Variants in HSD17B12 observed in about 807,000 individuals in gnomAD.
The protein encoded by HSD17B12 is hydroxysteroid 17-beta dehydrogenase 12.
Under a neutral mutation model 39.3 loss-of-function variants are expected in HSD17B12, and 32 were observed. The ratio of observed to expected loss-of-function variants is 0.81; its 90% CI spans 0.61 to 1.09. The LOEUF is 1.09. Ranked by LOEUF, HSD17B12 falls within the 50% of genes least tolerant of loss-of-function variation. The pLI, the probability that HSD17B12 is intolerant of heterozygous loss-of-function variation, is 0.00. For synonymous variants in HSD17B12, 150 were observed against 146.7 expected (o/e 1.02, Z -0.16); for missense variants, 342 against 382.9 (o/e 0.89, Z 0.89).
chr11:43,801,832 G>T (rs1317278044), intron 4 of HSD17B12, among the ~76,000 whole-genome samples: 1 of 151,932 alleles, frequency 6.6e-6, no homozygotes, highest in East Asian at 1.9e-4. Context: ...TCTTGTCAAA[G>T]GCTGCCTGGA....
At chr11:43,654,753 A>G in the HSD17B12 span, among the ~76,000 whole-genome samples, 1 of 152,052 alleles carries the variant, frequency 6.6e-6, no homozygotes, top group Non-Finnish European at 1.5e-5. Context: ...CCATTGGTTT[A>G]TATCTCTGTT....
In HSD17B12 at chr11:43,834,930, A is replaced by G. The variant is rs1951354576; in HGVS notation, c.537-3387A>G. On this transcript the variant is annotated intron_variant, in intron 7 of 10. Transcript: ENST00000278353. The stretch of plus-strand genomic sequence containing the variant: ...TTCTAGTAGATCCTCAGTAATTTGT[A>G]CCACTGAGACAGCATTGTGTGGCTG... 2.6e-5 allele frequency among the ~76,000 whole-genome samples: 4 copies of G among 152,322 alleles called. 1 individual carries two copies. The South Asian group carries it at 8.3e-4, about 32-fold the overall frequency.
At chr11:43,783,681 T>G (rs1005660993) in intron 3 of HSD17B12, among the ~76,000 whole-genome samples, 3 of 152,100 alleles carry the variant, frequency 2.0e-5, no homozygotes, top group Non-Finnish European at 4.4e-5. Context: ...TTTGGTTTTC[T>G]GTTCTTGTGT....
chr11:43,589,194 C>T, the HSD17B12 span, among the ~76,000 whole-genome samples: 2 of 152,112 alleles, frequency 1.3e-5, no homozygotes, highest in East Asian at 3.9e-4. Context: ...CATATTTAAT[C>T]TTCATTCTTT....
intron 1 of HSD17B12, among the ~76,000 whole-genome samples, chr11:43,690,386 A>ATTTTTT (rs1565049669): frequency 9.7e-5 from 1 of 10,308 alleles, no homozygotes; most frequent in Non-Finnish European, 1.8e-4. Context: ...ATATATATAT[A>ATTTTTT]TATATATATA....
the HSD17B12 span, among the ~76,000 whole-genome samples, chr11:43,609,963 A>G: frequency 6.6e-6 from 1 of 152,176 alleles, no homozygotes; most frequent in African/African-American, 2.4e-5. Context: ...ATCTATACCA[A>G]TGATTACCTA....
intron 3 of HSD17B12, among the ~76,000 whole-genome samples, chr11:43,794,312 G>A (rs1403906167): frequency 1.3e-5 from 2 of 152,162 alleles, no homozygotes; most frequent in African/African-American, 4.8e-5. Context: ...ATTTTACTGT[G>A]AGATATTTAA....
chr11:43,638,587 T>G, the HSD17B12 span, among the ~76,000 whole-genome samples: 2 of 152,122 alleles, frequency 1.3e-5, no homozygotes, highest in African/African-American at 2.4e-5. Flanking sequence ...GAAAGGGAAG[T>G]TTGGGGGAGA....
chr11:43,745,119 A>G (rs1185647225), intron 1 of HSD17B12, among the ~76,000 whole-genome samples: 2 of 152,188 alleles, frequency 1.3e-5, no homozygotes, highest in South Asian at 2.1e-4. Context: ...ACAAACTCCA[A>G]CAACTGGAGA....
chr11:43,704,779 A>C (rs1157456633), intron 1 of HSD17B12, among the ~76,000 whole-genome samples: 1 of 152,160 alleles, frequency 6.6e-6, no homozygotes, highest in African/African-American at 2.4e-5. Context: ...TTATTATGTG[A>C]GGATGGGATG....
chr11:43,730,580 T>C (rs1950258990), intron 1 of HSD17B12, among the ~76,000 whole-genome samples: 1 of 152,216 alleles, frequency 6.6e-6, no homozygotes, highest in Non-Finnish European at 1.5e-5. Flanking sequence ...TTGTTGTTGA[T>C]ACTACCATTA....
chr11:43,817,040 C>CTA (rs368591679), intron 6 of HSD17B12, among the ~76,000 whole-genome samples: 24 of 21,506 alleles, frequency 1.1e-3, no homozygotes, highest in East Asian at 9.1e-3. Flanking sequence ...ATATCTATAT[C>CTA]TATATATATA....
At chr11:43,833,951 C>G (rs964745671) in intron 7 of HSD17B12, 2 of 152,178 alleles carry the variant, frequency 1.3e-5, no homozygotes, top group Non-Finnish European at 2.9e-5. Context: ...TTGTGTACAG[C>G]TGGAGCCAGG....
chr11:43,801,719 G>A (rs1020465728), intron 4 of HSD17B12, among the ~76,000 whole-genome samples: 1 of 151,810 alleles, frequency 6.6e-6, no homozygotes, highest in Non-Finnish European at 1.5e-5. Context: ...AGTCATCTAT[G>A]AGTAGTAATT....
At chr11:43,801,895 A>T (rs1462013579) in intron 4 of HSD17B12, among the ~76,000 whole-genome samples, 3 of 152,158 alleles carry the variant, frequency 2.0e-5, no homozygotes, top group African/African-American at 7.2e-5. Context: ...GTACTGTTCA[A>T]TAGAAATGTA....
intron 3 of HSD17B12, among the ~76,000 whole-genome samples, chr11:43,757,691 TA>T (rs1273104445): frequency 2.4e-5 from 1 of 42,096 alleles, no homozygotes; most frequent in African/African-American, 9.2e-5. Context: ...AACAAACAAA[TA>T]AACCAAACCA....
chr11:43,642,252 A>G, the HSD17B12 span, among the ~76,000 whole-genome samples: 1 of 151,706 alleles, frequency 6.6e-6, no homozygotes, highest in Admixed American at 6.6e-5. Context: ...TCTTCTTATA[A>G]AGACATTTAC....
chr11:43,614,891 C>T, the HSD17B12 span, among the ~76,000 whole-genome samples: 34 of 152,118 alleles, frequency 2.2e-4, no homozygotes, highest in African/African-American at 7.7e-4. Context: ...TAGTTCTTGA[C>T]ATCTTTTAAA....
At chr11:43,797,964 C>A (rs980523278) in intron 3 of HSD17B12, among the ~76,000 whole-genome samples, 1 of 152,142 alleles carries the variant, frequency 6.6e-6, no homozygotes, top group Non-Finnish European at 1.5e-5. Flanking sequence ...ATTAAAATCA[C>A]AAAGCCAGTG....
Sources: gnomAD v4.1 joint callset for allele counts (sites outside exome capture counted in the v4.1 genomes callset) on GRCh38, gnomAD v4.1.1 for gene constraint, MANE v1.5 for transcripts, NCBI Gene and HGNC (gene_info 2026-07-23, HGNC 2026-07-21) for gene names.